The following SRPX variants were observed in gnomAD, a reference collection of about 807,000 sequenced individuals.
SRPX encodes sushi repeat-containing protein SRPX.
A neutral mutation model predicts 38.1 loss-of-function variants in SRPX; 24 were observed. That is an observed-to-expected ratio of 0.63 (90% CI 0.46 to 0.89). SRPX has a LOEUF of 0.89. Among genes scored for constraint, SRPX ranks in the 40% least tolerant of loss-of-function variants. The pLI, the probability that SRPX is intolerant of heterozygous loss-of-function variation, is 0.00. For missense variants in SRPX, 416 were observed against 377.8 expected (o/e 1.10, Z -0.84); for synonymous variants, 184 against 153.8 (o/e 1.20, Z -1.45).
In SRPX at chrX:38,149,764, T is replaced by C. The variant is rs1190100852; in HGVS notation, c.1342A>G (p.Arg448Gly). Reference protein sequence around the residue: ...LFNLIDTFPLRKEEMVLQAEM... With the variant: ...LFNLIDTFPLGKEEMVLQAEM... Reference sequence around the variant, plus strand: ...GCTTGTAGGACCATCTCTTCTTTTCTCAAGGGAAAAGTGTCAATCAGGTTG... The same window carrying C: ...GCTTGTAGGACCATCTCTTCTTTTCCCAAGGGAAAAGTGTCAATCAGGTTG... The change falls in exon 10 of 10, where the codon AGA becomes GGA. Residue 448 changes from arginine (R) to glycine (G), a missense_variant. Coordinates refer to ENST00000378533, the MANE Select transcript of SRPX (RefSeq NM_006307.5). The C allele has an allele frequency of 1.7e-6, 2 of 1,211,374 alleles. No individual in the cohort carries two copies. Among genetic ancestry groups the C allele is most frequent in the Non-Finnish European group, 2.2e-6 (2 of 895,349 alleles).
chrX:38,165,458 G>C (rs1339334563), intron 4 of SRPX, among the ~76,000 whole-genome samples: 1 of 111,903 alleles, frequency 8.9e-6, no homozygotes, highest in Non-Finnish European at 1.9e-5. Context: ...GTATTGGAGG[G>C]ATTACATTAT....
rs180888160 is a variant in SRPX, at chrX:38,165,635, T to C, written c.527-740A>G. Reference sequence around the variant, plus strand: ...TATTTAAGACCACACATGTAGATAATGGCACTGTGAATTACAATCTAAGTC... The same window carrying C: ...TATTTAAGACCACACATGTAGATAACGGCACTGTGAATTACAATCTAAGTC... On this transcript the variant is annotated intron_variant, in intron 4 of 9. Coordinates refer to ENST00000378533, the MANE Select transcript of SRPX (RefSeq NM_006307.5). 1.6e-3 allele frequency among the ~76,000 whole-genome samples: 181 copies of C among 112,321 alleles called. 4 individuals are homozygous for C. The highest frequency in any genetic ancestry group is 5.8e-3 in the African/African-American group (179 of 30,922).
intron 1 of SRPX, among the ~76,000 whole-genome samples, chrX:38,184,387 T>A: frequency 1.8e-5 from 2 of 112,112 alleles, no homozygotes; most frequent in Admixed American, 1.9e-4. Flanking sequence ...ATTCTAGACA[T>A]AATTTTAATA....
intron 1 of SRPX, among the ~76,000 whole-genome samples, chrX:38,216,949 T>C (rs144362133): frequency 0.018 from 1,984 of 112,361 alleles, 25 homozygotes; most frequent in Middle Eastern, 0.05. Context: ...CAGAGAGTGT[T>C]CGTATATTTA....
At chrX:38,180,231 C>T (rs887891591) in intron 1 of SRPX, among the ~76,000 whole-genome samples, 1 of 111,786 alleles carries the variant, frequency 8.9e-6, no homozygotes, top group Non-Finnish European at 1.9e-5. Context: ...ACAGTATTTA[C>T]AGCATTTAGT....
chrX:38,217,524 G>A (rs913086559), intron 1 of SRPX, among the ~76,000 whole-genome samples: 2 of 111,852 alleles, frequency 1.8e-5, no homozygotes, highest in African/African-American at 6.5e-5. Context: ...AATTAGGCTA[G>A]AAGCAAACTG....
At chrX:38,200,789 T>C (rs1179446796) in intron 1 of SRPX, among the ~76,000 whole-genome samples, 10 of 112,005 alleles carry the variant, frequency 8.9e-5, no homozygotes, top group Non-Finnish European at 1.9e-5. Context: ...GTTAATACTG[T>C]TACTACAGCA....
At chrX:38,168,121 G>A (rs993794914) in intron 4 of SRPX, among the ~76,000 whole-genome samples, 4 of 111,226 alleles carry the variant, frequency 3.6e-5, no homozygotes, top group African/African-American at 9.8e-5. Flanking sequence ...CATCTAACCC[G>A]GTAGGTAGTG....
At chrX:38,186,338 A>C (rs961007113) in intron 1 of SRPX, among the ~76,000 whole-genome samples, 1 of 111,737 alleles carries the variant, frequency 8.9e-6, no homozygotes. Flanking sequence ...TCGAGCCATC[A>C]GATGAAACTG....
intron 4 of SRPX, among the ~76,000 whole-genome samples, chrX:38,168,673 G>A (rs1305049918): frequency 8.9e-6 from 1 of 112,167 alleles, no homozygotes; most frequent in Non-Finnish European, 1.9e-5. Flanking sequence ...GTGAGTGACT[G>A]CCAAATGCAG....
chrX:38,154,615 T>C (rs771229904), intron 8 of SRPX, 32 bp from the exon 9 acceptor site: 2 of 1,202,008 alleles, frequency 1.7e-6, no homozygotes, highest in Non-Finnish European at 2.2e-6. Flanking sequence ...AGGGGAAGTA[T>C]GAGCATGGCT....
intron 1 of SRPX, among the ~76,000 whole-genome samples, chrX:38,213,655 A>G (rs1332210559): frequency 8.9e-6 from 1 of 111,764 alleles, no homozygotes; most frequent in East Asian, 2.8e-4. Flanking sequence ...GAAATACTTG[A>G]GACTGGGTAA....
intron 1 of SRPX, among the ~76,000 whole-genome samples, chrX:38,194,395 G>A (rs1034365189): frequency 4.4e-5 from 5 of 112,392 alleles, no homozygotes; most frequent in Admixed American, 3.8e-4. Context: ...GTGTTAACAA[G>A]GATGTTGAGC....
At chrX:38,151,515 C>CCCA (rs1476126023) in intron 9 of SRPX, among the ~76,000 whole-genome samples, 2 of 110,434 alleles carry the variant, frequency 1.8e-5, no homozygotes, top group Non-Finnish European at 3.8e-5. Context: ...GATGGGAACC[C>CCCA]CCACCACCAC....
chrX:38,203,961 T>A (rs1202164774), intron 1 of SRPX, among the ~76,000 whole-genome samples: 1 of 112,037 alleles, frequency 8.9e-6, no homozygotes, highest in African/African-American at 3.2e-5. Flanking sequence ...AATAAACTAT[T>A]AGAGAGGAAA....
chrX:38,158,937 G>A (rs777071341), intron 7 of SRPX, among the ~76,000 whole-genome samples: 4 of 110,817 alleles, frequency 3.6e-5, no homozygotes, highest in Non-Finnish European at 5.7e-5. Flanking sequence ...CCGAGATCGC[G>A]CCACTGCACT....
chrX:38,215,414 G>T (rs1407314793), intron 1 of SRPX, among the ~76,000 whole-genome samples: 1 of 111,522 alleles, frequency 9.0e-6, no homozygotes, highest in East Asian at 2.8e-4. Flanking sequence ...TGCTACCAAG[G>T]ACTTTTCTCT....
intron 1 of SRPX, among the ~76,000 whole-genome samples, chrX:38,212,272 G>C (rs1160164627): frequency 1.8e-5 from 2 of 111,682 alleles, no homozygotes; most frequent in Non-Finnish European, 3.8e-5. Context: ...TTAGAGAAGG[G>C]AGGAAAAACC....
intron 1 of SRPX, among the ~76,000 whole-genome samples, chrX:38,186,488 G>T (rs1938789153): frequency 8.9e-6 from 1 of 112,162 alleles, no homozygotes; most frequent in African/African-American, 3.2e-5. Context: ...GGTGTAGGAA[G>T]AGTAGAAAGT....
Sources: allele counts gnomAD v4.1 joint callset (sites outside exome capture counted in the v4.1 genomes callset), GRCh38; gene constraint gnomAD v4.1.1; transcripts MANE v1.5; gene names NCBI Gene and HGNC (gene_info 2026-07-23, HGNC 2026-07-21).